SLC38A11: variants seen among roughly 807,000 people sequenced by gnomAD.
SLC38A11 encodes putative sodium-coupled neutral amino acid transporter 11.
Under a neutral mutation model 49.4 loss-of-function variants are expected in SLC38A11, and 51 were observed. That is an observed-to-expected ratio of 1.03 (90% CI 0.83 to 1.30). SLC38A11 has a LOEUF of 1.30. Among genes scored for constraint, SLC38A11 ranks in the 50% most tolerant of loss-of-function variants. The pLI, the probability that SLC38A11 is intolerant of heterozygous loss-of-function variation, is 0.00. For synonymous variants in SLC38A11, 203 were observed against 192.9 expected, an observed-to-expected ratio of 1.05 and a Z score of -0.43; for missense variants, 574 against 556.2, an observed-to-expected ratio of 1.03 and a Z score of -0.32.
At chr2:164,940,466 G>C (rs1029150926) in intron 5 of SLC38A11, among the ~76,000 whole-genome samples, 7 of 150,736 alleles carry the variant, frequency 4.6e-5, no homozygotes, top group Non-Finnish European at 7.4e-5. Flanking sequence ...TCATTATATT[G>C]TTACGATGTC....
At chr2:164,930,380 G>A (rs1052975165) in intron 7 of SLC38A11, among the ~76,000 whole-genome samples, 3 of 151,980 alleles carry the variant, frequency 2.0e-5, no homozygotes, top group Admixed American at 2.0e-4. Flanking sequence ...AGGAGGAGGG[G>A]CTCCTCCCTA....
At chr2:164,907,788 C>T (rs539291841) in intron 11 of SLC38A11, among the ~76,000 whole-genome samples, 116 of 151,930 alleles carry the variant, frequency 7.6e-4, no homozygotes, top group Non-Finnish European at 1.2e-3. Flanking sequence ...TAATCATTAT[C>T]GGAAATAAAA....
At position 164,944,643 on chromosome 2, in the gene SLC38A11, A is replaced by G. The variant is rs1385299845; in HGVS notation, c.365-9T>C. The G allele has an allele frequency of 8.7e-7, 1 of 1,147,082 alleles. No individual in the cohort carries two copies. 71.1% of individuals were successfully genotyped at this position (1,147,082 alleles called of 1,614,324 possible). The stretch of plus-strand genomic sequence containing the variant: ...ATTGTAACTTATCATTGCTAAAAAC[A>G]TAATTAAAATAAGAGTCATCAATAA... On this transcript the variant is annotated splice_polypyrimidine_tract_variant and intron_variant, in intron 4 of 11. Coordinates refer to ENST00000685975, the MANE Select transcript of SLC38A11 (RefSeq NM_001351537.2).
At chr2:164,928,017 G>T (rs1686719428) in intron 7 of SLC38A11, among the ~76,000 whole-genome samples, 1 of 152,124 alleles carries the variant, frequency 6.6e-6, no homozygotes, top group African/African-American at 2.4e-5. Context: ...AATAACTAAT[G>T]GTGGGTGAAA....
chr2:164,928,911 C>T lies in SLC38A11; in HGVS notation c.617+8439G>A, dbSNP rs1161506064. Among the ~76,000 whole-genome samples the T allele has an allele frequency of 2.0e-5, 3 of 152,240 alleles. No individual in the cohort carries two copies. In the East Asian group the frequency reaches 5.8e-4, roughly 29 times the overall value. ...TAGCTCCTCTCCAAGATCACCCTAA[C>T]TGTATCCTAAAGTCTAGCCTTTCAT... On this transcript the variant is annotated intron_variant, in intron 7 of 11. Coordinates refer to ENST00000685975, the MANE Select transcript of SLC38A11 (RefSeq NM_001351537.2).
intron 7 of SLC38A11, among the ~76,000 whole-genome samples, chr2:164,935,450 G>C (rs995442477): frequency 8.9e-5 from 13 of 146,006 alleles, no homozygotes; most frequent in Middle Eastern, 3.9e-3. Context: ...CAGGAGGATT[G>C]TTTGAGGTCA....
intron 10 of SLC38A11, among the ~76,000 whole-genome samples, chr2:164,910,392 A>G (rs1158760581): frequency 1.3e-5 from 2 of 152,108 alleles, no homozygotes; most frequent in Admixed American, 1.3e-4. Flanking sequence ...ACTGAGCAGA[A>G]GCTAAAATAA....
At chr2:164,912,293 CTTA>C in intron 9 of SLC38A11, 1 of 151,992 alleles carries the variant, frequency 6.6e-6, no homozygotes, top group South Asian at 2.1e-4. Context: ...TAGTTTTTCT[CTTA>C]TTATTTGTTT....
Position 164,949,604 on chromosome 2 carries a change from G to A in SLC38A11, c.229+3103C>T, listed in dbSNP as rs956114104. Among the ~76,000 whole-genome samples, 5 of 152,248 alleles carry A rather than the reference G, an allele frequency of 3.3e-5. No individual in the cohort carries two copies. The East Asian group carries it at 5.8e-4, about 18-fold the overall frequency. On this transcript the variant is annotated intron_variant, in intron 3 of 11. Coordinates refer to ENST00000685975, the MANE Select transcript of SLC38A11 (RefSeq NM_001351537.2). The stretch of plus-strand genomic sequence containing the variant: ...TAAAATATCCTGCAAACACAAAGGA[G>A]ATATCAATAAATTCTACTTCCTTTG...
intron 7 of SLC38A11, among the ~76,000 whole-genome samples, chr2:164,923,288 A>G (rs1417175282): frequency 6.6e-6 from 1 of 152,160 alleles, no homozygotes. Context: ...TAAACAGACA[A>G]CCTACAGAAT....
At chr2:164,942,689 C>T (rs995795109) in intron 5 of SLC38A11, among the ~76,000 whole-genome samples, 1 of 152,140 alleles carries the variant, frequency 6.6e-6, no homozygotes, top group Non-Finnish European at 1.5e-5. Context: ...TCTACCCACT[C>T]GTGTGGCCTC....
intron 7 of SLC38A11, among the ~76,000 whole-genome samples, chr2:164,925,026 G>A (rs1326169091): frequency 5.3e-5 from 8 of 152,160 alleles, no homozygotes; most frequent in African/African-American, 9.7e-5. Flanking sequence ...GATTACAGGC[G>A]TCAGCCACTG....
intron 7 of SLC38A11, among the ~76,000 whole-genome samples, chr2:164,935,396 A>C (rs1386646809): frequency 2.0e-5 from 3 of 151,338 alleles, no homozygotes; most frequent in African/African-American, 7.3e-5. Context: ...TAGGCCAGGC[A>C]TGGTGGTTTA....
intron 7 of SLC38A11, among the ~76,000 whole-genome samples, chr2:164,920,827 T>C (rs182980691): frequency 6.6e-6 from 1 of 152,082 alleles, no homozygotes; most frequent in East Asian, 1.9e-4. Flanking sequence ...GGGAGCAAAG[T>C]GAGAAAGCAA....
Position 164,898,551 on chromosome 2 carries a change from A to T in SLC38A11, c.1275T>A (p.His425Gln), listed in dbSNP as rs1364400979. The T allele has an allele frequency of 6.2e-7, 1 of 1,613,686 alleles. No individual in the cohort carries two copies. The highest frequency in any genetic ancestry group is 1.7e-5 in the Admixed American group (1 of 59,918). ...GAAAGCAGTAGAACATTTCCTGCCC[A>T]TGGGTGCAGTCTTGAGTATTTGTAA... Reference protein sequence around the residue: ...MAITNTQDCTHGQEMFYCFPD... With the variant: ...MAITNTQDCTQGQEMFYCFPD... Residue 425 changes from histidine to glutamine, a missense_variant, in exon 12 of 12, where the codon CAT becomes CAA. His to Gln is a conservative substitution (Grantham distance 24). Transcript: ENST00000685975.
intron 2 of SLC38A11, 44 bp from the exon 3 acceptor site, chr2:164,952,825 G>T: frequency 1.4e-6 from 2 of 1,431,234 alleles, no homozygotes; most frequent in Non-Finnish European, 1.9e-6. Flanking sequence ...TAACAAGAAA[G>T]CTAGAAACAC....
At chr2:164,912,033 A>G (rs1267643872) in intron 9 of SLC38A11, 1 of 186,152 alleles carries the variant, frequency 5.4e-6, no homozygotes, top group Non-Finnish European at 1.1e-5. Flanking sequence ...AGGTGCTACC[A>G]TCTAGATTTG....
At chr2:164,926,666 T>C (rs1452780637) in intron 7 of SLC38A11, among the ~76,000 whole-genome samples, 1 of 151,940 alleles carries the variant, frequency 6.6e-6, no homozygotes, top group Admixed American at 6.6e-5. Context: ...ATATACACCA[T>C]GAAATACTAT....
rs1197798254 is a variant in SLC38A11 at position 164,939,542 on chromosome 2, C to T, written c.445G>A (p.Val149Met). 1.9e-5 allele frequency: 30 copies of T among 1,607,190 alleles called. No homozygotes were observed. Among genetic ancestry groups the T allele is most frequent in the South Asian group, 8.8e-5 (8 of 90,632 alleles). The change falls in exon 6 of 12, where the codon GTG (valine) becomes ATG (methionine). Residue 149 changes from valine (V) to methionine (M), a missense_variant. Coordinates refer to ENST00000685975, the MANE Select transcript of SLC38A11 (RefSeq NM_001351537.2). ...ATAATGAAGTGGCGACCAATAAACA[C>T]GTTTTCAGGATCAACTAAAACACAA... The part of the protein sequence containing the change: ...QRIPGVDPEN[V>M]FIGRHFIIGL...
Sources: allele counts gnomAD v4.1 joint callset (sites outside exome capture counted in the v4.1 genomes callset), GRCh38; gene constraint gnomAD v4.1.1; transcripts MANE v1.5; gene names NCBI Gene and HGNC (gene_info 2026-07-23, HGNC 2026-07-21).